MACROD2: variants seen among roughly 807,000 people sequenced by gnomAD.
The protein encoded by MACROD2 is mono-ADP ribosylhydrolase 2, also known as ADP-ribose glycohydrolase MACROD2.
In MACROD2, 36 loss-of-function variants were observed where a neutral mutation model predicts 70.4. The ratio of observed to expected loss-of-function variants is 0.51; its 90% CI spans 0.39 to 0.68. MACROD2 has a LOEUF of 0.68. Ranked by LOEUF, MACROD2 falls within the 30% of genes least tolerant of loss-of-function variation. The pLI, the probability that MACROD2 is intolerant of heterozygous loss-of-function variation, is 0.00. For synonymous variants in MACROD2, 172 were observed against 178.8 expected (o/e 0.96, Z 0.30); for missense variants, 496 against 538.4 (o/e 0.92, Z 0.78).
intron 5 of MACROD2, among the ~76,000 whole-genome samples, chr20:15,195,069 A>G (rs1025857891): frequency 6.6e-6 from 1 of 152,210 alleles, no homozygotes; most frequent in Non-Finnish European, 1.5e-5. Flanking sequence ...TTTACATCTT[A>G]TACAAAAATT....
chr20:15,509,557 G>A (rs2047472321), intron 8 of MACROD2, among the ~76,000 whole-genome samples: 1 of 152,166 alleles, frequency 6.6e-6, no homozygotes, highest in Admixed American at 6.5e-5. Flanking sequence ...CTGCAGGAAT[G>A]TACTCAGGAG....
intron 15 of MACROD2, among the ~76,000 whole-genome samples, chr20:16,018,234 G>T (rs2066955468): frequency 1.3e-5 from 2 of 152,192 alleles, no homozygotes; most frequent in African/African-American, 4.8e-5. Context: ...CCCATAGGGA[G>T]AAGAAATGCA....
chr20:15,892,910 A>T (rs1000159484), intron 10 of MACROD2: 4 of 398,724 alleles, frequency 1.0e-5, no homozygotes, highest in African/African-American at 2.1e-5. Flanking sequence ...GAGAATATTA[A>T]ATCTTCGTGA....
At chr20:14,441,073 A>G (rs1329825061) in intron 3 of MACROD2, among the ~76,000 whole-genome samples, 2 of 152,232 alleles carry the variant, frequency 1.3e-5, no homozygotes, top group Non-Finnish European at 2.9e-5. Flanking sequence ...AAACATGTGC[A>G]TTATTTATGT....
intron 8 of MACROD2, among the ~76,000 whole-genome samples, chr20:15,842,160 T>C (rs916089282): frequency 2.0e-5 from 3 of 152,120 alleles, no homozygotes; most frequent in African/African-American, 7.2e-5. Context: ...AACTCTTTCT[T>C]GACCCTATTT....
intron 4 of MACROD2, among the ~76,000 whole-genome samples, chr20:14,684,335 T>C (rs114734500): frequency 5.3e-4 from 81 of 152,302 alleles, no homozygotes; most frequent in African/African-American, 1.8e-3. Flanking sequence ...TTCTACTCCT[T>C]CAGTTTTGAG....
At chr20:15,478,696 G>C (rs2047055364) in intron 7 of MACROD2, among the ~76,000 whole-genome samples, 2 of 152,144 alleles carry the variant, frequency 1.3e-5, no homozygotes, top group Admixed American at 6.6e-5. Flanking sequence ...GGCAGAATGT[G>C]ACAGCCTGTG....
At chr20:14,352,966 T>A (rs1219087296) in intron 3 of MACROD2, among the ~76,000 whole-genome samples, 3 of 152,204 alleles carry the variant, frequency 2.0e-5, no homozygotes, top group Admixed American at 6.5e-5. Flanking sequence ...ACCTCTTTCC[T>A]TATCCATAGG....
chr20:14,819,435 T>G (rs2072814522), intron 5 of MACROD2, among the ~76,000 whole-genome samples: 1 of 151,616 alleles, frequency 6.6e-6, no homozygotes, highest in Non-Finnish European at 1.5e-5. Context: ...TCATTCACTT[T>G]TCCAGCAAAT....
At chr20:15,070,669 C>G (rs1174899356) in intron 5 of MACROD2, among the ~76,000 whole-genome samples, 1 of 152,076 alleles carries the variant, frequency 6.6e-6, no homozygotes, top group Non-Finnish European at 1.5e-5. Context: ...ACACTGGCTC[C>G]CCCTTTGCCT....
intron 5 of MACROD2, among the ~76,000 whole-genome samples, chr20:15,074,818 A>G (rs923558935): frequency 7.9e-5 from 12 of 152,162 alleles, no homozygotes; most frequent in African/African-American, 2.9e-4. Context: ...CACACACTTC[A>G]GTTTTTACTA....
intron 8 of MACROD2, among the ~76,000 whole-genome samples, chr20:15,523,273 A>G (rs1471997548): frequency 6.6e-6 from 1 of 152,242 alleles, no homozygotes; most frequent in African/African-American, 2.4e-5. Context: ...GAGTCGTGGC[A>G]GATAATTTGG....
At chr20:15,012,748 G>A (rs1600946392) in intron 5 of MACROD2, among the ~76,000 whole-genome samples, 1 of 152,150 alleles carries the variant, frequency 6.6e-6, no homozygotes, top group African/African-American at 2.4e-5. Context: ...CCGGTCTCCG[G>A]TTGTCTGCAC....
At chr20:14,446,398 C>G (rs1250783647) in intron 3 of MACROD2, among the ~76,000 whole-genome samples, 1 of 152,092 alleles carries the variant, frequency 6.6e-6, no homozygotes, top group African/African-American at 2.4e-5. Flanking sequence ...TTGAACCAGG[C>G]TGTCTGACTT....
chr20:14,485,044 C>A (rs2084706370), intron 3 of MACROD2, among the ~76,000 whole-genome samples: 2 of 151,608 alleles, frequency 1.3e-5, no homozygotes, highest in African/African-American at 2.4e-5. Flanking sequence ...TTTGTGAAAT[C>A]TCTAAACTGT....
At chr20:14,392,537 A>G (rs1181238469) in intron 3 of MACROD2, among the ~76,000 whole-genome samples, 8 of 152,230 alleles carry the variant, frequency 5.3e-5, no homozygotes, top group Admixed American at 2.6e-4. Flanking sequence ...TGATTTCAAA[A>G]TATATAAATT....
At chr20:15,824,257 C>G (rs971603754) in intron 8 of MACROD2, among the ~76,000 whole-genome samples, 23 of 151,710 alleles carry the variant, frequency 1.5e-4, no homozygotes, top group African/African-American at 3.6e-4. Flanking sequence ...CTCTCTCTCT[C>G]TGTGTGCGTG....
intron 16 of MACROD2, 58 bp from the exon 17 acceptor site, chr20:16,044,513 G>A: frequency 2.1e-6 from 3 of 1,408,946 alleles, no homozygotes; most frequent in Non-Finnish European, 3.0e-6. Flanking sequence ...TCATTTTAAT[G>A]TGTCTCAGAG....
At chr20:15,632,397 C>T (rs2049304511) in intron 8 of MACROD2, among the ~76,000 whole-genome samples, 1 of 152,080 alleles carries the variant, frequency 6.6e-6, no homozygotes, top group South Asian at 2.1e-4. Context: ...CTGAGGAGCT[C>T]ACAAGTTTAG....
Sources: allele counts gnomAD v4.1 joint callset (sites outside exome capture counted in the v4.1 genomes callset), GRCh38; gene constraint gnomAD v4.1.1; transcripts MANE v1.5; gene names NCBI Gene and HGNC (gene_info 2026-07-23, HGNC 2026-07-21).